GNAL: variants seen among roughly 807,000 people sequenced by gnomAD.
GNAL encodes the protein G protein subunit alpha L, also known as guanine nucleotide-binding protein G(olf) subunit alpha.
GNAL carries 18 observed loss-of-function variants against 55.1 expected under a neutral mutation model. The ratio of observed to expected loss-of-function variants is 0.33; its 90% CI spans 0.23 to 0.48. The LOEUF (loss-of-function observed/expected upper bound fraction) is 0.48. GNAL is among the 20% of genes least tolerant of loss of function. The pLI is 0.99. For missense variants in GNAL, 412 were observed against 614.1 expected, an observed-to-expected ratio of 0.67 and a Z score of 3.48; for synonymous variants, 253 against 237.0, an observed-to-expected ratio of 1.07 and a Z score of -0.62.
chr18:11,716,875 C>T (rs2143387244), intron 1 of GNAL, among the ~76,000 whole-genome samples: 1 of 152,370 alleles, frequency 6.6e-6, no homozygotes, highest in South Asian at 2.1e-4. Context: ...AGGAGCCCAG[C>T]TGGCTTCACC....
intron 1 of GNAL, among the ~76,000 whole-genome samples, chr18:11,726,657 G>A (rs1348437519): frequency 1.3e-5 from 2 of 152,134 alleles, no homozygotes; most frequent in East Asian, 3.9e-4. Flanking sequence ...TCTGTCTCTG[G>A]GGTAGGCTTT....
chr18:11,743,731 A>C (rs1445381163), intron 1 of GNAL, among the ~76,000 whole-genome samples: 1 of 152,346 alleles, frequency 6.6e-6, no homozygotes, highest in Non-Finnish European at 1.5e-5. Flanking sequence ...CTGCTAGGCT[A>C]TTTGAGGTTA....
intron 1 of GNAL, among the ~76,000 whole-genome samples, chr18:11,748,501 TAACTTCC>T (rs2032741123): frequency 6.8e-6 from 1 of 147,012 alleles, no homozygotes; most frequent in African/African-American, 2.6e-5. Flanking sequence ...ATTAATATAT[TAACTTCC>T]TGGGTATATT....
chr18:11,780,427 G>A (rs1053319718), intron 4 of GNAL, among the ~76,000 whole-genome samples: 131 of 151,478 alleles, frequency 8.6e-4, no homozygotes, highest in African/African-American at 3.2e-3. Context: ...GCCAACTCTC[G>A]GTTTTAAATA....
intron 4 of GNAL, among the ~76,000 whole-genome samples, chr18:11,801,341 A>G (rs1301409833): frequency 1.3e-5 from 2 of 152,198 alleles, no homozygotes; most frequent in African/African-American, 4.8e-5. Flanking sequence ...ACCTGAGGTC[A>G]GGAGTTAAAG....
chr18:11,804,930 G>A (rs2034614899), intron 4 of GNAL, among the ~76,000 whole-genome samples: 1 of 145,996 alleles, frequency 6.8e-6, no homozygotes, highest in Non-Finnish European at 1.5e-5. Context: ...GGTGGAACAC[G>A]GAGATACTGT....
rs375884622 is a variant in GNAL, at chr18:11,820,637, TTCTC to T, written c.625-4277_625-4274del. 4.3e-4 allele frequency among the ~76,000 whole-genome samples: 66 copies of T among 152,344 alleles called. No individual in the cohort carries two copies. The South Asian group carries it at 0.012, about 27-fold the overall frequency. The stretch of plus-strand genomic sequence containing the variant: ...TGAGTAATGGGTACCTGGAGATTCA[TTCTC>T]TCTATTTTTATAAGTTTGAAACTTT... On this transcript the variant is annotated intron_variant, in intron 4 of 11. Coordinates refer to ENST00000334049, the MANE Select transcript of GNAL (RefSeq NM_182978.4).
intron 1 of GNAL, among the ~76,000 whole-genome samples, chr18:11,703,560 G>A (rs1405742021): frequency 2.0e-5 from 3 of 152,168 alleles, no homozygotes; most frequent in African/African-American, 7.2e-5. Flanking sequence ...GCTTTTTAAT[G>A]TAACAGCCTT....
At chr18:11,795,390 C>CAAAAAAAAAAAAAAAAAAAAAAAAAAA (rs752221474) in intron 4 of GNAL, among the ~76,000 whole-genome samples, 2 of 68,260 alleles carry the variant, frequency 2.9e-5, no homozygotes, top group Non-Finnish European at 3.2e-5. Context: ...GACCCTGTCT[C>CAAAAAAAAAAAAAAAAAAAAAAAAAAA]AAAAAAAAAA....
At chr18:11,709,641 A>G (rs2031792917) in intron 1 of GNAL, among the ~76,000 whole-genome samples, 1 of 152,126 alleles carries the variant, frequency 6.6e-6, no homozygotes, top group East Asian at 1.9e-4. Flanking sequence ...CTGATTTTAT[A>G]CATCAATTTT....
chr18:11,696,071 G>C (rs1469637372), intron 1 of GNAL, among the ~76,000 whole-genome samples: 1 of 152,198 alleles, frequency 6.6e-6, no homozygotes, highest in Non-Finnish European at 1.5e-5. Flanking sequence ...TTTTGGAGTT[G>C]TGCAGTGGCC....
chr18:11,748,208 C>T (rs2032733948), intron 1 of GNAL, among the ~76,000 whole-genome samples: 3 of 152,142 alleles, frequency 2.0e-5, no homozygotes, highest in African/African-American at 7.2e-5. Context: ...AGAAATGTCT[C>T]GTCACTGTGT....
intron 4 of GNAL, among the ~76,000 whole-genome samples, chr18:11,759,383 A>G (rs1457165101): frequency 6.6e-6 from 1 of 152,262 alleles, no homozygotes; most frequent in African/African-American, 2.4e-5. Context: ...AGGATAAATC[A>G]GGCTAAACAA....
chr18:11,733,263 A>G (rs771229486), intron 1 of GNAL, among the ~76,000 whole-genome samples: 13 of 152,230 alleles, frequency 8.5e-5, no homozygotes, highest in Non-Finnish European at 1.5e-4. Context: ...TGTCTGAGGG[A>G]CAGCTGTCAT....
At chr18:11,743,852 G>A (rs1208322331) in intron 1 of GNAL, among the ~76,000 whole-genome samples, 2 of 152,110 alleles carry the variant, frequency 1.3e-5, no homozygotes, top group Non-Finnish European at 1.5e-5. Context: ...GCAACTTTGA[G>A]GTGTGTGGTT....
chr18:11,761,571 C>T (rs1425387746), intron 4 of GNAL, among the ~76,000 whole-genome samples: 1 of 152,238 alleles, frequency 6.6e-6, no homozygotes, highest in Admixed American at 6.5e-5. Flanking sequence ...CCTTCTGATC[C>T]TGTGGCTGGC....
intron 9 of GNAL, 43 bp from the exon 10 acceptor site, chr18:11,872,225 A>G (rs1280272410): frequency 1.5e-6 from 2 of 1,352,626 alleles, no homozygotes; most frequent in Non-Finnish European, 2.1e-6. Context: ...ACTTTCATGT[A>G]CTAGTGTATG....
At chr18:11,822,985 A>C (rs1490987212) in intron 4 of GNAL, among the ~76,000 whole-genome samples, 1 of 152,078 alleles carries the variant, frequency 6.6e-6, no homozygotes, top group African/African-American at 2.4e-5. Flanking sequence ...AATTTGTTTC[A>C]ATGTAGCATG....
At chr18:11,817,435 C>T (rs2034983870) in intron 4 of GNAL, among the ~76,000 whole-genome samples, 1 of 152,236 alleles carries the variant, frequency 6.6e-6, no homozygotes. Flanking sequence ...GCTCTCAGAA[C>T]ATTGCCTGGG....
Sources: gnomAD v4.1 joint callset for allele counts (sites outside exome capture counted in the v4.1 genomes callset) on GRCh38, gnomAD v4.1.1 for gene constraint, MANE v1.5 for transcripts, NCBI Gene and HGNC (gene_info 2026-07-23, HGNC 2026-07-21) for gene names.